The following PCDHGA2 variants were observed in gnomAD, a reference collection of about 807,000 sequenced individuals.
The protein encoded by PCDHGA2 is protocadherin gamma-A2.
In PCDHGA2, 40 loss-of-function variants were observed where a neutral mutation model predicts 59.2. The observed-to-expected ratio is 0.68, with a 90% CI of 0.52 to 0.88. The LOEUF (loss-of-function observed/expected upper bound fraction) is 0.88. PCDHGA2 is among the 40% of genes least tolerant of loss of function. The pLI is 0.00. For missense variants in PCDHGA2, 1,226 were observed against 1,204.0 expected (o/e 1.02, Z -0.27); for synonymous variants, 560 against 526.0 (o/e 1.06, Z -0.89).
At chr5:141,467,059 T>C (rs1157689140) in intron 1 of PCDHGA2, among the ~76,000 whole-genome samples, 2 of 151,064 alleles carry the variant, frequency 1.3e-5, no homozygotes, top group African/African-American at 2.4e-5. Context: ...TGTTTTCTTT[T>C]TTTTTTTTTT....
intron 1 of PCDHGA2, among the ~76,000 whole-genome samples, chr5:141,387,115 T>C (rs2090824355): frequency 6.6e-6 from 1 of 152,224 alleles, no homozygotes. Context: ...AATATTCCTG[T>C]AATGAAATCA....
chr5:141,345,412 A>T lies in PCDHGA2; in HGVS notation c.2424+4017A>T, dbSNP rs887313352. The T allele has an allele frequency of 3.1e-6, 5 of 1,614,026 alleles. No individual in the cohort carries two copies. In the South Asian group the frequency reaches 5.5e-5, roughly 18 times the overall value. Reference sequence around the variant, plus strand: ...TTCCCTCATTTATCCTACTCCGCCTACATTCCAGAAAACAACCCCAGAGGA... The same window carrying T: ...TTCCCTCATTTATCCTACTCCGCCTTCATTCCAGAAAACAACCCCAGAGGA... On this transcript the variant is annotated intron_variant, in intron 1 of 3. Transcript: ENST00000394576.
At chr5:141,418,800 G>A in intron 1 of PCDHGA2, 1 of 1,613,800 alleles carries the variant, frequency 6.2e-7, no homozygotes, top group African/African-American at 1.3e-5. Context: ...GAAGTAGAAA[G>A]ATATACGATA....
chr5:141,485,625 G>A lies in PCDHGA2; in HGVS notation c.2425-9182G>A, dbSNP rs1458191111. On this transcript the variant is annotated intron_variant, in intron 1 of 3. Coordinates refer to ENST00000394576, the MANE Select transcript of PCDHGA2 (RefSeq NM_018915.4). This position sits in a 1 kb window ranked among gnomAD's most constrained non-coding sequence, Gnocchi z 5.7. ...GGGGAGGCAGCTCCTCCAGGACAGC[G>A]TTTCCCGTTGGAAAAGGCTCAGGAT... is the stretch of plus-strand genomic sequence containing the variant. The A allele has an allele frequency of 1.2e-6, 2 of 1,611,968 alleles. No homozygotes were observed. The highest frequency in any genetic ancestry group is 3.3e-5 in the Admixed American group (2 of 59,916).
chr5:141,351,336 G>C, intron 1 of PCDHGA2: 1 of 1,613,598 alleles, frequency 6.2e-7, no homozygotes, highest in Non-Finnish European at 8.5e-7. Context: ...TCAGACCTTG[G>C]AACTGTAATA....
chr5:141,414,222 A>G lies in PCDHGA2; in HGVS notation c.2424+72827A>G, dbSNP rs1038407271. 3.7e-6 allele frequency: 6 copies of G among 1,613,316 alleles called. No individual in the cohort carries two copies. The African/African-American group carries it at 5.3e-5, about 14-fold the overall frequency. On this transcript the variant is annotated intron_variant, in intron 1 of 3. Coordinates refer to ENST00000394576, the MANE Select transcript of PCDHGA2 (RefSeq NM_018915.4). ...TAGAAGATGTAAATGACAACAGTCC[A>G]GAGCTGACCATCACGTCTCTATTTA...
intron 1 of PCDHGA2, chr5:141,364,303 T>C: frequency 1.3e-6 from 2 of 1,521,756 alleles, no homozygotes; most frequent in South Asian, 1.3e-5. Context: ...GAACCAGAAC[T>C]AAGAGAAAAT....
intron 1 of PCDHGA2, chr5:141,344,721 G>A: frequency 6.2e-7 from 1 of 1,613,990 alleles, no homozygotes; most frequent in Non-Finnish European, 8.5e-7. Flanking sequence ...GCACATCCAA[G>A]TGATAGTCCT....
chr5:141,418,751 A>G (rs2096284782), intron 1 of PCDHGA2: 2 of 1,613,840 alleles, frequency 1.2e-6, no homozygotes, highest in African/African-American at 2.7e-5. Context: ...GGATTACACT[A>G]CAGGAAACAT....
At chr5:141,450,729 C>T (rs370122389) in intron 1 of PCDHGA2, among the ~76,000 whole-genome samples, 3 of 152,048 alleles carry the variant, frequency 2.0e-5, no homozygotes, top group Non-Finnish European at 2.9e-5. Context: ...TCAGGTGATC[C>T]GCCCGCCTTG....
At chr5:141,415,641 T>TA (rs113784532) in intron 1 of PCDHGA2, 91,654 of 1,192,004 alleles carry the variant, frequency 0.077, 689 homozygotes, top group South Asian at 0.099. Context: ...TTACTTTTGT[T>TA]AAAAAAAAAA....
chr5:141,419,569 C>T (rs1200109635), intron 1 of PCDHGA2: 3 of 1,611,654 alleles, frequency 1.9e-6, no homozygotes, highest in East Asian at 2.2e-5. Context: ...TGGGTCCCGA[C>T]GGCTCCGCGC....
intron 1 of PCDHGA2, chr5:141,346,626 G>A (rs558060887): frequency 4.7e-5 from 48 of 1,022,914 alleles, no homozygotes; most frequent in African/African-American, 3.9e-4. Context: ...TGCACTCCCC[G>A]GTCTGGTTAT....
chr5:141,340,301 G>C lies in PCDHGA2; in HGVS notation c.1330G>C (p.Asp444His), dbSNP rs1044939238. 6.2e-7 allele frequency: 1 copy of C among 1,614,032 alleles called. No homozygotes were observed. Among genetic ancestry groups the C allele is most frequent in the African/African-American group, 1.3e-5 (1 of 74,920 alleles). The change falls in exon 1 of 4, where the codon GAC (aspartate) becomes CAC (histidine). Residue 444 changes from aspartate to histidine, a missense_variant. Physicochemically the swap from Asp to His is moderately conservative, Grantham distance 81. Transcript: ENST00000394576. ...TDAHILLQVA[D>H]INDNAPAFSR... ...TGCTCACATTTTGCTCCAGGTGGCA[G>C]ACATCAACGACAACGCACCCGCCTT...
rs762687404 is a variant in PCDHGA2 at position 141,486,468 on chromosome 5, A to G, written c.2425-8339A>G. Reference sequence around the variant, plus strand: ...ATGGTCACTGCTTCTGATGCTGGGAACCCTCCTCTCAGTACCCACAGAACT... The same window carrying G: ...ATGGTCACTGCTTCTGATGCTGGGAGCCCTCCTCTCAGTACCCACAGAACT... On this transcript the variant is annotated intron_variant, in intron 1 of 3. Transcript: ENST00000394576. This position sits in a 1 kb window ranked among gnomAD's most constrained non-coding sequence, Gnocchi z 5.0. The G allele has an allele frequency of 1.2e-6, 2 of 1,612,906 alleles. No individual in the cohort carries two copies. Among genetic ancestry groups the G allele is most frequent in the Middle Eastern group, 1.6e-4 (1 of 6,062 alleles).
chr5:141,452,830 T>A (rs2098749929), intron 1 of PCDHGA2, among the ~76,000 whole-genome samples: 1 of 152,166 alleles, frequency 6.6e-6, no homozygotes, highest in South Asian at 2.1e-4. Context: ...CAAAATCACT[T>A]GGTCCAGCCC....
At chr5:141,447,197 T>C (rs1249080495) in intron 1 of PCDHGA2, among the ~76,000 whole-genome samples, 7 of 152,188 alleles carry the variant, frequency 4.6e-5, no homozygotes, top group Admixed American at 4.6e-4. Context: ...TGGAGTGCAA[T>C]GGCTTGATCT....
intron 1 of PCDHGA2, chr5:141,412,431 G>GTTAA (rs1478574285): frequency 6.6e-6 from 1 of 152,132 alleles, no homozygotes; most frequent in African/African-American, 2.4e-5. Context: ...ACACAAAAAG[G>GTTAA]TTAATTAAGG....
At chr5:141,443,317 C>CA (rs35054295) in intron 1 of PCDHGA2, among the ~76,000 whole-genome samples, 76,100 of 141,790 alleles carry the variant, frequency 0.54, 21,234 homozygotes, top group African/African-American at 0.75. Flanking sequence ...CCCATCTCTA[C>CA]AAAAAAAAAA....
Sources: gnomAD v4.1 joint callset for allele counts (sites outside exome capture counted in the v4.1 genomes callset) on GRCh38, gnomAD v4.1.1 for gene constraint, Gnocchi (gnomAD v3.1) non-coding constraint, MANE v1.5 for transcripts, NCBI Gene and HGNC (gene_info 2026-07-23, HGNC 2026-07-21) for gene names.